TEX2: variants seen among roughly 807,000 people sequenced by gnomAD.
TEX2 encodes testis-expressed protein 2.
TEX2 carries 53 observed loss-of-function variants against 106.9 expected under a neutral mutation model. The observed-to-expected ratio is 0.50, with a 90% CI of 0.40 to 0.62. TEX2 has a LOEUF of 0.62. Ranked by LOEUF, TEX2 falls within the 20% of genes least tolerant of loss-of-function variation. TEX2 has a pLI of 0.00. For missense variants in TEX2, 1,207 were observed against 1,379.0 expected (o/e 0.88, Z 1.98); for synonymous variants, 523 against 534.8 (o/e 0.98, Z 0.30).
chr17:64,223,165 C>CAA (rs2033407494), intron 1 of TEX2, among the ~76,000 whole-genome samples: 1 of 152,064 alleles, frequency 6.6e-6, no homozygotes, highest in African/African-American at 2.4e-5. Flanking sequence ...TCAGTGGAGT[C>CAA]AGAGTGAGCG....
Position 64,195,076 on chromosome 17 carries a change from T to C in TEX2, c.1664A>G (p.Tyr555Cys), listed in dbSNP as rs373904752. The C allele has an allele frequency of 6.2e-7, 1 of 1,614,000 alleles. No homozygotes were observed. Among genetic ancestry groups the C allele is most frequent in the African/African-American group, 1.3e-5 (1 of 74,926 alleles). Residue 555 changes from tyrosine (Y) to cysteine (C), a missense_variant, in exon 3 of 12, where the codon TAC becomes TGC. Tyr to Cys is a radical substitution (Grantham distance 194, BLOSUM62 -2). Transcript: ENST00000584379. The surrounding 1 kb of genome is among the most constrained non-coding windows in gnomAD (Gnocchi z 4.1). ...EILKGWMNEI[Y>C]NYDPETYHAT... ...ATGGTAGGTTTCTGGATCATAGTTG[T>C]AAATCTCATTCATCCATCCCTGATG... is the stretch of plus-strand genomic sequence containing the variant.
chr17:64,243,752 TC>T (rs1181287799), intron 1 of TEX2, among the ~76,000 whole-genome samples: 4 of 152,112 alleles, frequency 2.6e-5, no homozygotes, highest in African/African-American at 9.7e-5. Flanking sequence ...CGGAGAGAGT[TC>T]ATAGTGTTCA....
intron 5 of TEX2, among the ~76,000 whole-genome samples, chr17:64,186,076 T>C (rs2143842900): frequency 6.6e-6 from 1 of 152,344 alleles, no homozygotes; most frequent in African/African-American, 2.4e-5. Context: ...TATGCACATG[T>C]AACACAAACC....
intron 5 of TEX2, among the ~76,000 whole-genome samples, chr17:64,181,255 A>G (rs937883576): frequency 7.9e-5 from 12 of 152,080 alleles, no homozygotes; most frequent in African/African-American, 2.9e-4. Context: ...AGGCGGGCAA[A>G]TCACGCAGTC....
At chr17:64,208,124 G>A (rs901337905) in intron 2 of TEX2, among the ~76,000 whole-genome samples, 4 of 152,296 alleles carry the variant, frequency 2.6e-5, no homozygotes, top group Non-Finnish European at 5.9e-5. Context: ...GTCACCAGTC[G>A]ATTTCTAAGC....
At chr17:64,223,523 A>G (rs782121781) in intron 1 of TEX2, among the ~76,000 whole-genome samples, 19 of 151,938 alleles carry the variant, frequency 1.3e-4, no homozygotes, top group Non-Finnish European at 1.8e-4. Flanking sequence ...GTTTGTTCAT[A>G]GCAAACACAC....
rs2032023107 is a variant in TEX2 at position 64,185,004 on chromosome 17, G to C, written c.2424+3164C>G. Among the ~76,000 whole-genome samples the C allele has an allele frequency of 6.6e-6, 1 of 152,142 alleles. No homozygotes were observed. Among genetic ancestry groups the C allele is most frequent in the Admixed American group, 6.5e-5 (1 of 15,274 alleles). ...AGCCTACTTTGTGGGGGTAGCAAGG[G>C]AAGCCCTGGAAAACTATTCTGCCAG... On this transcript the variant is annotated intron_variant, in intron 5 of 11. Transcript: ENST00000584379. This position sits in a 1 kb window ranked among gnomAD's most constrained non-coding sequence, Gnocchi z 4.0.
At chr17:64,220,870 T>G (rs1352624069) in intron 1 of TEX2, among the ~76,000 whole-genome samples, 3 of 152,126 alleles carry the variant, frequency 2.0e-5, no homozygotes, top group African/African-American at 7.2e-5. Context: ...CAAAGGAATA[T>G]AAATCATTCT....
At chr17:64,256,786 C>T (rs782193909) in intron 1 of TEX2, among the ~76,000 whole-genome samples, 2 of 152,146 alleles carry the variant, frequency 1.3e-5, no homozygotes, top group African/African-American at 2.4e-5. Context: ...TGCTGAATGA[C>T]GATCACTGTT....
chr17:64,233,528 G>A (rs1183993615), intron 1 of TEX2, among the ~76,000 whole-genome samples: 19 of 152,104 alleles, frequency 1.2e-4, no homozygotes, highest in African/African-American at 4.3e-4. Flanking sequence ...AGCCAAGATC[G>A]CACCACTGCA....
chr17:64,230,248 C>T (rs529066282), intron 1 of TEX2, among the ~76,000 whole-genome samples: 3 of 152,176 alleles, frequency 2.0e-5, no homozygotes, highest in South Asian at 2.1e-4. Flanking sequence ...CCAGGGGCCC[C>T]GTGTGAGCTG....
chr17:64,230,867 T>C (rs2033640320), intron 1 of TEX2: 1 of 152,258 alleles, frequency 6.6e-6, no homozygotes, highest in South Asian at 2.1e-4. Context: ...GAGAAATTCT[T>C]GGCAACTGTT....
chr17:64,170,983 C>G (rs2031366876), intron 7 of TEX2, 117 bp downstream of exon 7: 1 of 793,914 alleles, frequency 1.3e-6, no homozygotes, highest in East Asian at 2.7e-5. Context: ...AGACACTCAA[C>G]ATGAAACAGA....
chr17:64,182,941 T>C (rs1224809817), intron 5 of TEX2, among the ~76,000 whole-genome samples: 1 of 151,896 alleles, frequency 6.6e-6, no homozygotes, highest in Non-Finnish European at 1.5e-5. Context: ...AGTCTTGCTG[T>C]GTCATCCAGG....
rs1215922304 is a variant in TEX2, at chr17:64,152,318, G to A, written c.3140+627C>T. 2.0e-5 allele frequency among the ~76,000 whole-genome samples: 3 copies of A among 152,202 alleles called. No individual in the cohort carries two copies. In the East Asian group the frequency reaches 5.8e-4, roughly 29 times the overall value. On this transcript the variant is annotated intron_variant, in intron 10 of 11. Coordinates refer to ENST00000584379, the MANE Select transcript of TEX2 (RefSeq NM_001288732.2). Reference sequence around the variant, plus strand: ...TCTCAACCCTGGCTTCATCACCCCCGACCCCTGAAATCCGGGGGGATGGGC... The same window carrying A: ...TCTCAACCCTGGCTTCATCACCCCCAACCCCTGAAATCCGGGGGGATGGGC...
At chr17:64,225,241 C>T (rs1268508255) in intron 1 of TEX2, among the ~76,000 whole-genome samples, 1 of 151,902 alleles carries the variant, frequency 6.6e-6, no homozygotes, top group Non-Finnish European at 1.5e-5. Context: ...TGCTTGAGTC[C>T]AGGGGTTCGA....
intron 5 of TEX2, among the ~76,000 whole-genome samples, chr17:64,183,037 C>G (rs2031942038): frequency 6.6e-6 from 1 of 151,944 alleles, no homozygotes; most frequent in African/African-American, 2.4e-5. Flanking sequence ...TCCCGAGTAG[C>G]TGGGACTACA....
At position 64,148,276 on chromosome 17, in the gene TEX2, C is replaced by G; in HGVS notation, c.*693G>C. The G allele has an allele frequency of 6.6e-6, 1 of 152,576 alleles. No individual in the cohort carries two copies. Among genetic ancestry groups the G allele is most frequent in the Admixed American group, 6.6e-5 (1 of 15,256 alleles). 9.5% of individuals were successfully genotyped at this position (152,576 alleles called of 1,614,324 possible). ...CAGGAAAACATTCAAGATTAGCTAG[C>G]CCCCAGGTGGTTGTACCTCATTGGT... On this transcript the variant is annotated 3_prime_UTR_variant, in exon 12 of 12. Coordinates refer to ENST00000584379, the MANE Select transcript of TEX2 (RefSeq NM_001288732.2).
chr17:64,156,303 G>A (rs1403680754), intron 8 of TEX2: 1 of 152,272 alleles, frequency 6.6e-6, no homozygotes, highest in Admixed American at 6.5e-5. Context: ...TGTCCTCCCT[G>A]GCAGGACACA....
Sources: allele counts gnomAD v4.1 joint callset (sites outside exome capture counted in the v4.1 genomes callset), GRCh38; gene constraint gnomAD v4.1.1; non-coding constraint Gnocchi (gnomAD v3.1); transcripts MANE v1.5; gene names NCBI Gene and HGNC (gene_info 2026-07-23, HGNC 2026-07-21).